DCC: variants seen among roughly 807,000 people sequenced by gnomAD.
DCC encodes netrin receptor DCC.
In DCC, 58 loss-of-function variants were observed where a neutral mutation model predicts 172.5. The ratio of observed to expected loss-of-function variants is 0.34; its 90% CI spans 0.27 to 0.42. DCC has a LOEUF of 0.42. Ranked by LOEUF, DCC falls within the 10% of genes least tolerant of loss-of-function variation. The pLI, the probability that DCC is intolerant of heterozygous loss-of-function variation, is 1.00. For synonymous variants in DCC, 709 were observed against 644.5 expected (o/e 1.10, Z -1.52); for missense variants, 1,740 against 1,791.0 (o/e 0.97, Z 0.51).
intron 12 of DCC, among the ~76,000 whole-genome samples, chr18:53,250,769 T>C (rs2056420973): frequency 6.6e-6 from 1 of 151,932 alleles, no homozygotes; most frequent in South Asian, 2.1e-4. Flanking sequence ...CTTTAACTGC[T>C]TACTCTCTGT....
chr18:52,682,791 T>C (rs1192033468), intron 1 of DCC, among the ~76,000 whole-genome samples: 2 of 152,008 alleles, frequency 1.3e-5, no homozygotes, highest in African/African-American at 4.8e-5. Flanking sequence ...AGAGAGTAGT[T>C]GGTAGGATAA....
At chr18:52,845,732 A>G (rs567764136) in intron 2 of DCC, among the ~76,000 whole-genome samples, 15 of 152,340 alleles carry the variant, frequency 9.8e-5, no homozygotes, top group South Asian at 4.1e-4. Context: ...TAAATTTAAC[A>G]GCATTTATTT....
chr18:52,648,865 C>T (rs971293693), intron 1 of DCC, among the ~76,000 whole-genome samples: 4 of 152,076 alleles, frequency 2.6e-5, no homozygotes. Flanking sequence ...GCAATTTTGC[C>T]AGCGTTTCTA....
intron 13 of DCC, among the ~76,000 whole-genome samples, chr18:53,315,126 C>A (rs1050788870): frequency 6.6e-6 from 1 of 152,164 alleles, no homozygotes; most frequent in African/African-American, 2.4e-5. Context: ...CCCCCACTCC[C>A]TGACAGGACC....
At chr18:53,366,290 T>TG (rs919330564) in intron 15 of DCC, among the ~76,000 whole-genome samples, 12 of 152,076 alleles carry the variant, frequency 7.9e-5, no homozygotes, top group African/African-American at 2.7e-4. Context: ...TCAGGTGATC[T>TG]GCCCGACTCA....
chr18:53,356,411 C>T (rs62098020), intron 15 of DCC, among the ~76,000 whole-genome samples: 45,279 of 151,840 alleles, frequency 0.3, 8,635 homozygotes, highest in Non-Finnish European at 0.44. Flanking sequence ...TAGAGATGTT[C>T]GTGTTTTTAA....
At chr18:52,355,631 G>T (rs1368387256) in intron 1 of DCC, among the ~76,000 whole-genome samples, 1 of 152,072 alleles carries the variant, frequency 6.6e-6, no homozygotes, top group Non-Finnish European at 1.5e-5. Context: ...TATCATATTT[G>T]TTAGCGCCTG....
chr18:52,651,282 T>C (rs1318795701), intron 1 of DCC, among the ~76,000 whole-genome samples: 2 of 152,088 alleles, frequency 1.3e-5, no homozygotes, highest in Admixed American at 1.3e-4. Context: ...CCTCCCTCAG[T>C]CTCCTGAGTA....
intron 1 of DCC, among the ~76,000 whole-genome samples, chr18:52,637,430 A>G (rs1380551855): frequency 6.6e-6 from 1 of 152,184 alleles, no homozygotes; most frequent in Non-Finnish European, 1.5e-5. Context: ...CCAGAAGTGA[A>G]GGGAGAAATA....
chr18:53,182,958 A>G (rs1490906094), intron 9 of DCC, among the ~76,000 whole-genome samples: 1 of 152,134 alleles, frequency 6.6e-6, no homozygotes, highest in Admixed American at 6.5e-5. Flanking sequence ...GTTTTCATCA[A>G]TATTTCTTTT....
At chr18:53,398,795 C>T (rs1909118025) in intron 18 of DCC, among the ~76,000 whole-genome samples, 1 of 152,068 alleles carries the variant, frequency 6.6e-6, no homozygotes, top group African/African-American at 2.4e-5. Flanking sequence ...CAAAAAGATA[C>T]TAACTTTTAG....
chr18:52,566,738 T>G (rs1475075271), intron 1 of DCC, among the ~76,000 whole-genome samples: 1 of 152,026 alleles, frequency 6.6e-6, no homozygotes, highest in Non-Finnish European at 1.5e-5. Flanking sequence ...AAAAATGACT[T>G]CAGACTCTTT....
At chr18:53,186,886 G>A (rs1209176271) in intron 9 of DCC, among the ~76,000 whole-genome samples, 2 of 152,110 alleles carry the variant, frequency 1.3e-5, no homozygotes, top group African/African-American at 2.4e-5. Flanking sequence ...CTTCCAGAGG[G>A]TATGAACGGT....
intron 2 of DCC, among the ~76,000 whole-genome samples, chr18:52,888,481 GT>G (rs1439503775): frequency 6.6e-6 from 1 of 151,928 alleles, no homozygotes; most frequent in East Asian, 1.9e-4. Flanking sequence ...CAAGTTCAAG[GT>G]TTATAAGACT....
chr18:53,092,087 C>T (rs2043022118), intron 7 of DCC, among the ~76,000 whole-genome samples: 1 of 151,990 alleles, frequency 6.6e-6, no homozygotes, highest in South Asian at 2.1e-4. Context: ...TATAGAATAA[C>T]ATGTTCATTT....
intron 1 of DCC, among the ~76,000 whole-genome samples, chr18:52,704,406 A>C (rs1208770853): frequency 6.6e-6 from 1 of 152,224 alleles, no homozygotes; most frequent in Non-Finnish European, 1.5e-5. Context: ...GAGGCTTTCA[A>C]AAGCAATCAC....
chr18:52,438,630 C>T (rs111526483), intron 1 of DCC, among the ~76,000 whole-genome samples: 72 of 152,250 alleles, frequency 4.7e-4, no homozygotes, highest in African/African-American at 1.6e-3. Flanking sequence ...AAAACCAATT[C>T]TTTATATAGC....
intron 1 of DCC, among the ~76,000 whole-genome samples, chr18:52,590,003 T>A (rs73957933): frequency 0.07 from 10,709 of 152,046 alleles, 1,191 homozygotes; most frequent in African/African-American, 0.24. Context: ...ATGCTTTTTT[T>A]TAAAAAAAGA....
At chr18:53,079,782 A>G (rs1019186225) in intron 7 of DCC, among the ~76,000 whole-genome samples, 1 of 152,160 alleles carries the variant, frequency 6.6e-6, no homozygotes, top group Admixed American at 6.6e-5. Flanking sequence ...AGCTGCCAAG[A>G]AGGGCAAAGA....
Sources: allele counts gnomAD v4.1 joint callset (sites outside exome capture counted in the v4.1 genomes callset), GRCh38; gene constraint gnomAD v4.1.1; transcripts MANE v1.5; gene names NCBI Gene and HGNC (gene_info 2026-07-23, HGNC 2026-07-21).